PVT1: variants seen among roughly 807,000 people sequenced by gnomAD.
PVT1 encodes Pvt1 oncogene, also known as CXCR4/PVT1 fusion.
chr8:128,082,072 A>G (rs1814189105), intron 5 of PVT1, among the ~76,000 whole-genome samples: 1 of 152,226 alleles, frequency 6.6e-6, no homozygotes, highest in Non-Finnish European at 1.5e-5. Context: ...TATAGCTACA[A>G]AGTCTCATAG....
At chr8:127,975,143 C>T (rs2129970168) in intron 3 of PVT1, among the ~76,000 whole-genome samples, 1 of 152,226 alleles carries the variant, frequency 6.6e-6, no homozygotes, top group South Asian at 2.1e-4. Context: ...TGCATATAAC[C>T]TTTTTCTTCT....
chr8:127,998,290 A>AT (rs1435555455), intron 4 of PVT1: 2 of 151,906 alleles, frequency 1.3e-5, no homozygotes, highest in Non-Finnish European at 2.9e-5. Flanking sequence ...AACTATTTAG[A>AT]TTTTTTCTAC....
chr8:128,005,869 C>G (rs1817240546), intron 4 of PVT1, among the ~76,000 whole-genome samples: 1 of 152,050 alleles, frequency 6.6e-6, no homozygotes, highest in Admixed American at 6.6e-5. Context: ...TTTGGGAGGC[C>G]AAGGCAGGCA....
intron 3 of PVT1, among the ~76,000 whole-genome samples, chr8:127,950,783 G>A (rs938948555): frequency 6.6e-6 from 1 of 152,216 alleles, no homozygotes; most frequent in Non-Finnish European, 1.5e-5. Context: ...GTGAGGAGGT[G>A]TAGGAGGGAG....
At chr8:127,872,734 T>C (rs1340241542) in intron 2 of PVT1, among the ~76,000 whole-genome samples, 1 of 152,242 alleles carries the variant, frequency 6.6e-6, no homozygotes, top group Non-Finnish European at 1.5e-5. Context: ...GCTCGGAATC[T>C]GAGCTTGATT....
chr8:127,839,441 C>T (rs1353282167), intron 2 of PVT1, among the ~76,000 whole-genome samples: 2 of 151,020 alleles, frequency 1.3e-5, no homozygotes, highest in African/African-American at 4.9e-5. Context: ...TCCCAGCTGC[C>T]CAGAAGGCTG....
chr8:128,082,585 A>C (rs945754132), intron 5 of PVT1, among the ~76,000 whole-genome samples: 2 of 152,222 alleles, frequency 1.3e-5, no homozygotes, highest in Non-Finnish European at 2.9e-5. Flanking sequence ...CAGGGAAGTC[A>C]GACTCTTATC....
At chr8:128,072,070 A>C (rs1012047914) in intron 5 of PVT1, among the ~76,000 whole-genome samples, 14 of 152,194 alleles carry the variant, frequency 9.2e-5, no homozygotes, top group African/African-American at 2.9e-4. Flanking sequence ...TTTAAAATGA[A>C]GAAATTGAGA....
chr8:127,931,056 C>T (rs1816199988), intron 3 of PVT1, among the ~76,000 whole-genome samples: 1 of 152,148 alleles, frequency 6.6e-6, no homozygotes, highest in Admixed American at 6.5e-5. Context: ...AGGTGCGCTC[C>T]ACCACACCCA....
intron 2 of PVT1, among the ~76,000 whole-genome samples, chr8:127,821,733 A>G (rs1326757276): frequency 6.6e-6 from 1 of 152,106 alleles, no homozygotes; most frequent in Admixed American, 6.5e-5. Flanking sequence ...AATGGCGTGA[A>G]TCCGGGAGGC....
At chr8:127,825,173 T>C (rs1160968180) in intron 2 of PVT1, among the ~76,000 whole-genome samples, 1 of 149,952 alleles carries the variant, frequency 6.7e-6, no homozygotes, top group Admixed American at 6.6e-5. Flanking sequence ...TTAAATAATG[T>C]TGAGATGAGT....
chr8:127,809,208 T>C (rs944590474), intron 2 of PVT1, among the ~76,000 whole-genome samples: 3 of 152,116 alleles, frequency 2.0e-5, no homozygotes, highest in African/African-American at 7.2e-5. Context: ...TTTTTCTTTT[T>C]GGAGACAGAG....
intron 4 of PVT1, among the ~76,000 whole-genome samples, chr8:128,023,166 C>A (rs1817457222): frequency 6.6e-6 from 1 of 152,236 alleles, no homozygotes; most frequent in Non-Finnish European, 1.5e-5. Flanking sequence ...CTGTATCCGG[C>A]TGCAAGCTGA....
intron 2 of PVT1, among the ~76,000 whole-genome samples, chr8:127,876,244 C>T (rs924898832): frequency 1.1e-4 from 14 of 129,174 alleles, no homozygotes; most frequent in African/African-American, 4.5e-4. Context: ...CACACACGCC[C>T]CAAACAGCAG....
intron 2 of PVT1, among the ~76,000 whole-genome samples, chr8:127,849,414 T>G (rs1187802964): frequency 3.3e-5 from 5 of 152,074 alleles, no homozygotes; most frequent in Admixed American, 6.6e-5. Context: ...TGGCCCAGCT[T>G]TCGAAACAAG....
chr8:128,015,094 A>T (rs3041897), intron 4 of PVT1, among the ~76,000 whole-genome samples: 1,974 of 116,384 alleles, frequency 0.017, 34 homozygotes, highest in African/African-American at 0.055. Flanking sequence ...TTTATTTATT[A>T]TTTATTTATT....
intron 3 of PVT1, among the ~76,000 whole-genome samples, chr8:127,968,216 A>G (rs935038375): frequency 6.6e-6 from 1 of 152,076 alleles, no homozygotes; most frequent in African/African-American, 2.4e-5. Context: ...CCCTTTTCCA[A>G]AGTGACCCTC....
At chr8:127,805,917 C>T (rs1814521883) in intron 2 of PVT1, among the ~76,000 whole-genome samples, 1 of 151,956 alleles carries the variant, frequency 6.6e-6, no homozygotes, top group Non-Finnish European at 1.5e-5. Flanking sequence ...ACCAGAAGAA[C>T]AAAGTGTTAG....
chr8:127,851,226 C>T (rs995410394), intron 2 of PVT1, among the ~76,000 whole-genome samples: 5 of 152,046 alleles, frequency 3.3e-5, no homozygotes, highest in African/African-American at 7.3e-5. Flanking sequence ...TGTCACATGG[C>T]CTGCTCTATA....
Sources: gnomAD v4.1 joint callset for allele counts (sites outside exome capture counted in the v4.1 genomes callset) on GRCh38, gnomAD v4.1.1 for gene constraint, MANE v1.5 for transcripts, NCBI Gene and HGNC (gene_info 2026-07-23, HGNC 2026-07-21) for gene names.